RBFOX1: variants seen among roughly 807,000 people sequenced by gnomAD.
RBFOX1 encodes RNA binding protein fox-1 homolog 1.
A neutral mutation model predicts 57.7 loss-of-function variants in RBFOX1; 8 were observed. The observed-to-expected ratio is 0.14, with a 90% CI of 0.08 to 0.25. The LOEUF (loss-of-function observed/expected upper bound fraction) is 0.25. Among genes scored for constraint, RBFOX1 ranks in the 10% least tolerant of loss-of-function variants. The pLI, the probability that RBFOX1 is intolerant of heterozygous loss-of-function variation, is 1.00. For synonymous variants in RBFOX1, 326 were observed against 222.4 expected, an observed-to-expected ratio of 1.47 and a Z score of -4.15; for missense variants, 611 against 548.5, an observed-to-expected ratio of 1.11 and a Z score of -1.14.
At chr16:7,697,330 C>T (rs1329598441) in intron 14 of RBFOX1, among the ~76,000 whole-genome samples, 1 of 152,128 alleles carries the variant, frequency 6.6e-6, no homozygotes, top group Non-Finnish European at 1.5e-5. Context: ...GTCCACTCCC[C>T]ACTCTTGTTC....
intron 3 of RBFOX1, among the ~76,000 whole-genome samples, chr16:5,697,238 A>G (rs981038955): frequency 5.3e-5 from 8 of 152,236 alleles, no homozygotes; most frequent in Middle Eastern, 6.8e-3. Flanking sequence ...TAGATGTTCT[A>G]TTAATGGTGT....
chr16:7,165,584 C>G (rs1474157004), intron 4 of RBFOX1, among the ~76,000 whole-genome samples: 2 of 151,850 alleles, frequency 1.3e-5, no homozygotes, highest in Middle Eastern at 3.4e-3. Flanking sequence ...CATGCACCAC[C>G]ACGCCCGGCT....
chr16:6,070,856 A>G (rs1320856146), intron 1 of RBFOX1, among the ~76,000 whole-genome samples: 1 of 151,690 alleles, frequency 6.6e-6, no homozygotes, highest in African/African-American at 2.4e-5. Context: ...CTTCTTTACA[A>G]AGAATCATTT....
chr16:7,272,620 G>A (rs1341431107), intron 4 of RBFOX1, among the ~76,000 whole-genome samples: 5 of 152,160 alleles, frequency 3.3e-5, no homozygotes, highest in African/African-American at 1.2e-4. Flanking sequence ...CAGGCCTCTG[G>A]ATCCTTCTTC....
intron 3 of RBFOX1, among the ~76,000 whole-genome samples, chr16:5,844,781 T>G (rs10500329): frequency 3.3e-5 from 5 of 152,016 alleles, no homozygotes; most frequent in Non-Finnish European, 4.4e-5. Flanking sequence ...CGACTTTGAT[T>G]TTAACAGAAC....
chr16:7,423,273 A>G (rs963149696), intron 4 of RBFOX1, among the ~76,000 whole-genome samples: 4 of 152,124 alleles, frequency 2.6e-5, no homozygotes, highest in Non-Finnish European at 5.9e-5. Context: ...GTGGAAAAGT[A>G]GGATTTCTCA....
At chr16:6,642,109 AGAAAT>A (rs2098496441) in intron 2 of RBFOX1, among the ~76,000 whole-genome samples, 2 of 152,152 alleles carry the variant, frequency 1.3e-5, no homozygotes, top group Admixed American at 6.5e-5. Flanking sequence ...GGGGTCTGAG[AGAAAT>A]GAAAAGAGAC....
chr16:7,481,170 G>C (rs1229569510), intron 4 of RBFOX1, among the ~76,000 whole-genome samples: 5 of 152,120 alleles, frequency 3.3e-5, no homozygotes, highest in Non-Finnish European at 5.9e-5. Context: ...AAGGCTGTCT[G>C]GATTAGAAAC....
chr16:7,696,966 G>A lies in RBFOX1; in HGVS notation c.996-12090G>A, dbSNP rs183607254. Among the ~76,000 whole-genome samples, 7 of 152,248 alleles carry A rather than the reference G, an allele frequency of 4.6e-5. No individual in the cohort carries two copies. The East Asian group carries it at 1.4e-3, about 29-fold the overall frequency. ...GGCCCACGGATATGAGTACAGGTGA[G>A]TTTAATAGATAACATCTAGGAGGTA... is the stretch of plus-strand genomic sequence containing the variant. On this transcript the variant is annotated intron_variant, in intron 14 of 15. Coordinates refer to ENST00000550418, the MANE Select transcript of RBFOX1 (RefSeq NM_018723.4).
intron 3 of RBFOX1, among the ~76,000 whole-genome samples, chr16:6,979,308 G>A (rs929857380): frequency 1.3e-5 from 2 of 152,118 alleles, no homozygotes; most frequent in East Asian, 1.9e-4. Context: ...AAACACGCAG[G>A]ATATAATAGC....
At chr16:6,974,625 G>A (rs942757970) in intron 3 of RBFOX1, among the ~76,000 whole-genome samples, 4 of 152,020 alleles carry the variant, frequency 2.6e-5, no homozygotes, top group Non-Finnish European at 5.9e-5. Context: ...GATTACAGGC[G>A]TGAGTCACTG....
chr16:5,336,829 C>T (rs935126249), intron 1 of RBFOX1, among the ~76,000 whole-genome samples: 2 of 152,150 alleles, frequency 1.3e-5, no homozygotes, highest in Admixed American at 1.3e-4. Context: ...TTAAATGGTG[C>T]TCATGGCTTT....
Position 6,624,049 on chromosome 16 carries a change from A to C in RBFOX1, c.-63-30554A>C, listed in dbSNP as rs184938574. Among the ~76,000 whole-genome samples, 70 of 152,330 alleles carry C rather than the reference A, an allele frequency of 4.6e-4. 1 individual carries two copies. The East Asian group carries it at 0.011, about 24-fold the overall frequency. On this transcript the variant is annotated intron_variant, in intron 2 of 15. Transcript: ENST00000550418. ...TTCCACAATGGTTGAACTAGTTTAC[A>C]GTCCCTGTTAGGTGAAAATTCTATG...
At chr16:7,157,264 C>T (rs556190383) in intron 4 of RBFOX1, among the ~76,000 whole-genome samples, 7 of 152,288 alleles carry the variant, frequency 4.6e-5, no homozygotes, top group African/African-American at 1.7e-4. Flanking sequence ...CCCAGGCTCT[C>T]AAAATGGGAA....
chr16:7,502,903 A>C (rs2071455606), intron 4 of RBFOX1, among the ~76,000 whole-genome samples: 1 of 152,068 alleles, frequency 6.6e-6, no homozygotes, highest in Non-Finnish European at 1.5e-5. Flanking sequence ...GGTGCCTGTA[A>C]TCCTAGCTAC....
At chr16:5,960,448 G>A (rs901150960) in intron 4 of RBFOX1, among the ~76,000 whole-genome samples, 7 of 152,048 alleles carry the variant, frequency 4.6e-5, no homozygotes, top group Non-Finnish European at 1.0e-4. Context: ...TTCCCCCAAA[G>A]TATTACGTGA....
intron 4 of RBFOX1, among the ~76,000 whole-genome samples, chr16:7,307,008 G>C (rs1489779346): frequency 6.6e-6 from 1 of 152,110 alleles, no homozygotes; most frequent in Admixed American, 6.5e-5. Context: ...TCAAGTGGAC[G>C]AATCAGGCAA....
At chr16:6,966,763 CTATCTA>C (rs1274936809) in intron 3 of RBFOX1, among the ~76,000 whole-genome samples, 7 of 21,712 alleles carry the variant, frequency 3.2e-4, no homozygotes, top group African/African-American at 7.5e-4. Flanking sequence ...GTCTGTCTGT[CTATCTA>C]TCTATCTATC....
At chr16:6,863,961 C>T (rs2059464817) in intron 3 of RBFOX1, among the ~76,000 whole-genome samples, 1 of 150,428 alleles carries the variant, frequency 6.6e-6, no homozygotes, top group South Asian at 2.1e-4. Flanking sequence ...CTTGCAAAAT[C>T]CTCACAACTT....
Sources: gnomAD v4.1 joint callset for allele counts (sites outside exome capture counted in the v4.1 genomes callset) on GRCh38, gnomAD v4.1.1 for gene constraint, MANE v1.5 for transcripts, NCBI Gene and HGNC (gene_info 2026-07-23, HGNC 2026-07-21) for gene names.